The following RNASE10 variants were observed in gnomAD, a reference collection of about 807,000 sequenced individuals.
RNASE10 encodes inactive ribonuclease-like protein 10.
Under a neutral mutation model 1.1 loss-of-function variants are expected in RNASE10, and 2 were observed. The ratio of observed to expected loss-of-function variants is 1.82; its 90% CI spans 0.74 to 5.73. RNASE10 has a LOEUF of 5.73. Among genes scored for constraint, RNASE10 ranks in the 30% most tolerant of loss-of-function variants. The pLI, the probability that RNASE10 is intolerant of heterozygous loss-of-function variation, is 0.05. For synonymous variants in RNASE10, 97 were observed against 96.2 expected, an observed-to-expected ratio of 1.01 and a Z score of -0.05; for missense variants, 276 against 263.4, an observed-to-expected ratio of 1.05 and a Z score of -0.33.
At chr14:20,511,733 C>T (rs981460415), downstream of RNASE10, among the ~76,000 whole-genome samples, 7 of 151,992 alleles carry the variant, frequency 4.6e-5, no homozygotes, top group African/African-American at 1.7e-4. Flanking sequence ...TTTTCTTGAC[C>T]CTTCACTGCC....
At chr14:20,506,421 T>C (rs1434456154) in intron 1 of RNASE10, among the ~76,000 whole-genome samples, 647 of 56,448 alleles carry the variant, frequency 0.011, no homozygotes, top group Admixed American at 0.024. Context: ...CGGCCAGCCG[T>C]CCCGTCCGGG....
At chr14:20,510,285 A>G (rs2319197) in intron 1 of RNASE10, 182 bp from the exon 2 acceptor site, 343,858 of 391,406 alleles carry the variant, frequency 0.88, 151,318 homozygotes, top group East Asian at 0.95. Flanking sequence ...GGAATGTGGT[A>G]GGGAGGAACA....
In RNASE10 at chr14:20,506,510, C is replaced by T. The variant is rs1429653236; in HGVS notation, c.79+491C>T. Among the ~76,000 whole-genome samples, 10 of 126,992 alleles carry T rather than the reference C, an allele frequency of 7.9e-5. No individual in the cohort carries two copies. In the South Asian group the frequency reaches 1.3e-3, roughly 17 times the overall value. The allele number at this position is 126,992 out of a possible 152,430, so 83.3% of individuals were successfully genotyped here. ...AGGTGGTGGGGGTCAGCCCCCCGCC[C>T]GGCCAGCCGCCCTATCCAGGAGGTG... On this transcript the variant is annotated intron_variant, in intron 1 of 1. Coordinates refer to ENST00000430083, the Ensembl canonical transcript of RNASE10.
At chr14:20,512,483 C>A (rs1432346286), downstream of RNASE10, among the ~76,000 whole-genome samples, 1 of 152,180 alleles carries the variant, frequency 6.6e-6, no homozygotes. Context: ...CTATTATAGA[C>A]CCAAGTCAGG....
downstream of RNASE10, among the ~76,000 whole-genome samples, chr14:20,512,166 C>T (rs1043703536): frequency 2.6e-5 from 4 of 152,156 alleles, no homozygotes; most frequent in African/African-American, 9.7e-5. Context: ...GGATGGGAGA[C>T]AGTCTTTTTC....
At chr14:20,510,522 G>T in exon 2 of RNASE10, 1 of 1,613,950 alleles carries the variant, frequency 6.2e-7, no homozygotes, top group Non-Finnish European at 8.5e-7. Flanking sequence ...TGCTGCTGCT[G>T]GGCCTGGGGA....
rs1228489085 is a variant in RNASE10 at position 20,508,870 on chromosome 14, G to C, written c.80-1597G>C. Among the ~76,000 whole-genome samples, 3 of 152,092 alleles carry C rather than the reference G, an allele frequency of 2.0e-5. No homozygotes were observed. The East Asian group carries it at 5.8e-4, about 29-fold the overall frequency. The stretch of plus-strand genomic sequence containing the variant: ...CATATAGGGCCTTAGACATTCACTG[G>C]GGTCTTGGAACATATTCCCTGTGGA... On this transcript the variant is annotated intron_variant, in intron 1 of 1. Transcript: ENST00000430083.
downstream of RNASE10, among the ~76,000 whole-genome samples, chr14:20,513,711 T>G (rs1189269742): frequency 1.3e-5 from 2 of 152,208 alleles, no homozygotes; most frequent in Non-Finnish European, 1.5e-5. Context: ...CTTCTAAGAG[T>G]GTGTTAGTCA....
chr14:20,512,972 A>G (rs1312454669), downstream of RNASE10, among the ~76,000 whole-genome samples: 1 of 152,218 alleles, frequency 6.6e-6, no homozygotes, highest in Non-Finnish European at 1.5e-5. Flanking sequence ...TCTGGTAGGT[A>G]AACCAAGGAT....
intron 1 of RNASE10, among the ~76,000 whole-genome samples, chr14:20,508,379 G>A (rs1291315528): frequency 6.6e-6 from 1 of 152,152 alleles, no homozygotes; most frequent in Non-Finnish European, 1.5e-5. Context: ...GCTGTTCTGA[G>A]TAATGTGATG....
intron 1 of RNASE10, among the ~76,000 whole-genome samples, chr14:20,508,258 A>G (rs879931138): frequency 8.5e-5 from 13 of 152,226 alleles, no homozygotes; most frequent in Non-Finnish European, 1.8e-4. Flanking sequence ...TCAAATACAT[A>G]TATACAGTGA....
At chr14:20,510,383 G>A (rs1882864195) in intron 1 of RNASE10, 84 bp from the exon 2 acceptor site, 3 of 1,525,284 alleles carry the variant, frequency 2.0e-6, no homozygotes, top group Admixed American at 2.1e-5. Context: ...ATACAATGCT[G>A]TAGGGCTTAG....
At chr14:20,504,915 C>T (rs1021425163), upstream of RNASE10, among the ~76,000 whole-genome samples, 70 of 152,126 alleles carry the variant, frequency 4.6e-4, no homozygotes, top group African/African-American at 1.6e-3. Context: ...CACAGGCCAG[C>T]CCCCGCCACA....
upstream of RNASE10, among the ~76,000 whole-genome samples, chr14:20,504,643 G>A (rs1300156795): frequency 2.2e-5 from 3 of 137,268 alleles, no homozygotes; most frequent in East Asian, 2.1e-4. Context: ...AGCCGAGATC[G>A]CGCCACCGCA....
chr14:20,513,465 T>C (rs2183542), downstream of RNASE10, among the ~76,000 whole-genome samples: 9,749 of 152,190 alleles, frequency 0.064, 1,040 homozygotes, highest in African/African-American at 0.22. Context: ...GCTTCCTCTC[T>C]ACACTTCCAG....
exon 2 of RNASE10, chr14:20,510,998 C>T (rs1315018743): frequency 3.1e-6 from 5 of 1,599,144 alleles, no homozygotes; most frequent in Admixed American, 1.7e-5. Context: ...TTTGATTTGA[C>T]ATTGTGCGAG....
chr14:20,504,834 G>T (rs1474006215), upstream of RNASE10, among the ~76,000 whole-genome samples: 1 of 151,766 alleles, frequency 6.6e-6, no homozygotes, highest in Non-Finnish European at 1.5e-5. Context: ...AGACAAGGGA[G>T]CACTCACCAG....
At chr14:20,507,627 T>TTA (rs1566537047) in intron 1 of RNASE10, among the ~76,000 whole-genome samples, 2 of 133,342 alleles carry the variant, frequency 1.5e-5, no homozygotes, top group African/African-American at 5.8e-5. Context: ...AATAAATAAA[T>TTA]AAATAAATAA....
At chr14:20,504,644 C>G (rs565827257), upstream of RNASE10, among the ~76,000 whole-genome samples, 1 of 142,742 alleles carries the variant, frequency 7.0e-6, no homozygotes, top group East Asian at 2.0e-4. Flanking sequence ...GCCGAGATCG[C>G]GCCACCGCAC....
Sources: gnomAD v4.1 joint callset for allele counts (sites outside exome capture counted in the v4.1 genomes callset) on GRCh38, gnomAD v4.1.1 for gene constraint, MANE v1.5 for transcripts, NCBI Gene and HGNC (gene_info 2026-07-23, HGNC 2026-07-21) for gene names.